The following SVOP variants were observed in gnomAD, a reference collection of about 807,000 sequenced individuals.
SVOP encodes synaptic vesicle 2-related protein.
A neutral mutation model predicts 69.1 loss-of-function variants in SVOP; 17 were observed. The observed-to-expected ratio is 0.25, with a 90% confidence interval of 0.17 to 0.37. The LOEUF (loss-of-function observed/expected upper bound fraction) is 0.37. SVOP is among the 10% of genes least tolerant of loss of function. SVOP has a pLI of 1.00. For missense variants in SVOP, 435 were observed against 597.5 expected (o/e 0.73, Z 2.84); for synonymous variants, 238 against 238.6 (o/e 1.00, Z 0.02).
intron 6 of SVOP, among the ~76,000 whole-genome samples, chr12:108,959,508 C>G (rs2040005123): frequency 6.6e-6 from 1 of 152,052 alleles, no homozygotes; most frequent in Non-Finnish European, 1.5e-5. Flanking sequence ...TGCCCGCCAC[C>G]AAGCCCGGAA....
chr12:108,992,855 T>C (rs1305476865), intron 1 of SVOP, among the ~76,000 whole-genome samples: 1 of 151,954 alleles, frequency 6.6e-6, no homozygotes, highest in Admixed American at 6.6e-5. Flanking sequence ...CTGCACACTT[T>C]AATTGATGGT....
At chr12:108,964,621 C>T (rs897157202) in intron 5 of SVOP, among the ~76,000 whole-genome samples, 3 of 152,142 alleles carry the variant, frequency 2.0e-5, no homozygotes, top group African/African-American at 7.2e-5. Flanking sequence ...GCTCAGCAAC[C>T]CTGTGTAAGG....
intron 4 of SVOP, among the ~76,000 whole-genome samples, chr12:108,975,674 T>C (rs989674216): frequency 6.6e-6 from 1 of 152,100 alleles, no homozygotes; most frequent in Admixed American, 6.5e-5. Flanking sequence ...AGGCCCTACA[T>C]TGCAAAAACA....
chr12:108,995,040 G>T (rs2040223866), intron 1 of SVOP, among the ~76,000 whole-genome samples: 1 of 151,968 alleles, frequency 6.6e-6, no homozygotes. Flanking sequence ...AGCTACTCGG[G>T]AGGCTGAGGT....
intron 5 of SVOP, among the ~76,000 whole-genome samples, chr12:108,963,816 T>A (rs996490899): frequency 3.1e-4 from 47 of 152,144 alleles, no homozygotes; most frequent in African/African-American, 1.1e-3. Context: ...CAACACATTT[T>A]AAAAAATAGC....
In SVOP at chr12:108,934,263, T is replaced by C. The variant is rs750706532; in HGVS notation, c.980A>G (p.Asn327Ser). The change falls in exon 11 of 16, where the codon AAT becomes AGT. Residue 327 changes from asparagine to serine, a missense_variant. Transcript: ENST00000610966. ...AACTAACCCGTAGTAAGAGAATGCA[T>C]TGGAAAACCTGCCAGGAGAAAGCAA... ...TLLLWFIWFS[N>S]AFSYYGLVLL... 42 of 1,602,860 alleles carry C rather than the reference T, an allele frequency of 2.6e-5. 1 individual carries two copies. The South Asian group carries it at 4.5e-4, about 17-fold the overall frequency.
intron 6 of SVOP, among the ~76,000 whole-genome samples, chr12:108,957,043 A>G (rs2039989224): frequency 6.6e-6 from 1 of 152,104 alleles, no homozygotes; most frequent in Non-Finnish European, 1.5e-5. Context: ...CACTGTCATC[A>G]GTCTCAGTGA....
chr12:108,936,891 G>A (rs1180112442), intron 10 of SVOP: 2 of 208,236 alleles, frequency 9.6e-6, no homozygotes, highest in African/African-American at 2.3e-5. Context: ...CAATTAAGGT[G>A]TTTTCTTTTA....
intron 6 of SVOP, among the ~76,000 whole-genome samples, chr12:108,947,991 C>T (rs1566054755): frequency 6.6e-6 from 1 of 152,156 alleles, no homozygotes; most frequent in Admixed American, 6.5e-5. Flanking sequence ...CTGCAACCTT[C>T]TCTTAGGGAT....
At chr12:108,939,714 T>C (rs1039563874) in intron 8 of SVOP, among the ~76,000 whole-genome samples, 1 of 152,166 alleles carries the variant, frequency 6.6e-6, no homozygotes, top group Admixed American at 6.5e-5. Flanking sequence ...TGTTTCCTTT[T>C]TCATAGCGCA....
chr12:108,958,543 T>C (rs2039998364), intron 6 of SVOP, among the ~76,000 whole-genome samples: 1 of 152,144 alleles, frequency 6.6e-6, no homozygotes. Flanking sequence ...CAAAATCACC[T>C]ATTGATGCAT....
At chr12:108,987,402 C>T (rs1269871039) in intron 1 of SVOP, among the ~76,000 whole-genome samples, 1 of 152,138 alleles carries the variant, frequency 6.6e-6, no homozygotes, top group East Asian at 1.9e-4. Flanking sequence ...CTGTAATGAA[C>T]ATGAGTGTAC....
At chr12:108,930,519 C>T (rs1344204973) in intron 11 of SVOP, among the ~76,000 whole-genome samples, 2 of 151,516 alleles carry the variant, frequency 1.3e-5, no homozygotes, top group African/African-American at 4.9e-5. Context: ...CTCACTGCAG[C>T]CTCAGCCTCC....
chr12:109,011,332 C>T (rs2040340138), intron 1 of SVOP, among the ~76,000 whole-genome samples: 1 of 152,206 alleles, frequency 6.6e-6, no homozygotes, highest in Non-Finnish European at 1.5e-5. Context: ...GTGTGAGCAA[C>T]TCTGAGTGTG....
chr12:108,928,442 G>A (rs11114101), intron 11 of SVOP, among the ~76,000 whole-genome samples: 9,509 of 152,044 alleles, frequency 0.063, 804 homozygotes, highest in Admixed American at 0.25. Flanking sequence ...CCTCAAATAT[G>A]GCACCTTGGC....
chr12:108,968,157 G>A (rs1262662233), intron 5 of SVOP, among the ~76,000 whole-genome samples: 2 of 152,216 alleles, frequency 1.3e-5, no homozygotes, highest in African/African-American at 4.8e-5. Context: ...GTAGCAGAGA[G>A]TGGAAACAAG....
At position 108,927,984 on chromosome 12, in the gene SVOP, C is replaced by A. The variant is rs1378237433; in HGVS notation, c.1049-5187G>T. Among the ~76,000 whole-genome samples, 4 of 151,670 alleles carry A rather than the reference C, an allele frequency of 2.6e-5. No individual in the cohort carries two copies. In the East Asian group the frequency reaches 5.8e-4, roughly 22 times the overall value. On this transcript the variant is annotated intron_variant, in intron 11 of 15. Coordinates refer to ENST00000610966, the MANE Select transcript of SVOP (RefSeq NM_018711.5). Reference sequence around the variant, plus strand: ...GCAGTGGTGCTATATTGGCTCACTGCAACCTCCGCCTCCTGGGTTCAAGCA... The same window carrying A: ...GCAGTGGTGCTATATTGGCTCACTGAAACCTCCGCCTCCTGGGTTCAAGCA...
chr12:109,012,232 A>G (rs1274986723), intron 1 of SVOP, among the ~76,000 whole-genome samples: 1 of 152,036 alleles, frequency 6.6e-6, no homozygotes, highest in Non-Finnish European at 1.5e-5. Context: ...GCAGTGAGCC[A>G]AGATCACGCC....
intron 4 of SVOP, among the ~76,000 whole-genome samples, chr12:108,973,249 G>C (rs2040088959): frequency 6.6e-6 from 1 of 152,170 alleles, no homozygotes; most frequent in Non-Finnish European, 1.5e-5. Flanking sequence ...GGCAACTGAG[G>C]GCCAGAGAGG....
Sources: gnomAD v4.1 joint callset for allele counts (sites outside exome capture counted in the v4.1 genomes callset) on GRCh38, gnomAD v4.1.1 for gene constraint, MANE v1.5 for transcripts, NCBI Gene and HGNC (gene_info 2026-07-23, HGNC 2026-07-21) for gene names.